NRXN1: variants seen among roughly 807,000 people sequenced by gnomAD.
NRXN1 encodes the protein neurexin-1.
In NRXN1, 39 loss-of-function variants were observed where a neutral mutation model predicts 150.9. The ratio of observed to expected loss-of-function variants is 0.26; its 90% CI spans 0.20 to 0.34. NRXN1 has a LOEUF of 0.34. Ranked by LOEUF, NRXN1 falls within the 10% of genes least tolerant of loss-of-function variation. The probability of loss-of-function intolerance (pLI) is 1.00; values close to 1 mark genes in which losing one functional copy is unlikely to be tolerated. For synonymous variants in NRXN1, 924 were observed against 757.0 expected, an observed-to-expected ratio of 1.22 and a Z score of -3.62; for missense variants, 1,815 against 1,949.9, an observed-to-expected ratio of 0.93 and a Z score of 1.30.
chr2:50,974,075 A>G (rs1277511111), intron 2 of NRXN1, among the ~76,000 whole-genome samples: 1 of 152,150 alleles, frequency 6.6e-6, no homozygotes, highest in Non-Finnish European at 1.5e-5. Context: ...ACTCTAAGTG[A>G]TCCAAGTTTC....
chr2:50,355,881 C>A (rs1486284033), intron 17 of NRXN1, among the ~76,000 whole-genome samples: 1 of 152,062 alleles, frequency 6.6e-6, no homozygotes, highest in Non-Finnish European at 1.5e-5. Context: ...AGAAATGAAA[C>A]AAATCCTCTT....
chr2:50,874,312 TATC>T (rs1393292641), intron 5 of NRXN1, among the ~76,000 whole-genome samples: 2 of 151,880 alleles, frequency 1.3e-5, no homozygotes, highest in Non-Finnish European at 2.9e-5. Flanking sequence ...CACATACATA[TATC>T]ATACTATCAA....
chr2:50,788,484 C>T (rs1359740540), intron 5 of NRXN1, among the ~76,000 whole-genome samples: 3 of 152,004 alleles, frequency 2.0e-5, no homozygotes, highest in African/African-American at 7.2e-5. Context: ...ATGAGTCTGA[C>T]GCTTCTGGAC....
At position 50,675,831 on chromosome 2, in the gene NRXN1, A is replaced by G. The variant is rs116611522; in HGVS notation, c.833-52216T>C. Reference sequence around the variant, plus strand: ...AAGAATATCCATAATTAACAAATCAATATGTTCTAGTTATCTGCAGTGTGG... The same window carrying G: ...AAGAATATCCATAATTAACAAATCAGTATGTTCTAGTTATCTGCAGTGTGG... On this transcript the variant is annotated intron_variant, in intron 5 of 22. Coordinates refer to ENST00000401669, the MANE Select transcript of NRXN1 (RefSeq NM_001330078.2). Among the ~76,000 whole-genome samples the G allele has an allele frequency of 1.2e-3, 178 of 152,260 alleles. 1 individual carries two copies. The highest frequency in any genetic ancestry group is 4.0e-3 in the African/African-American group (166 of 41,570).
Position 50,220,443 on chromosome 2 carries a change from T to C in NRXN1, c.3546+16346A>G, listed in dbSNP as rs148370439. Among the ~76,000 whole-genome samples, 547 of 152,042 alleles carry C rather than the reference T, an allele frequency of 3.6e-3. 2 individuals carry two copies. The highest frequency in any genetic ancestry group is 5.2e-3 in the Non-Finnish European group (350 of 67,948). ...GATGCAGAATGCCTTGAAATACAAA[T>C]GCTTTTTCTGGCCCAGATAATTGAT... On this transcript the variant is annotated intron_variant, in intron 18 of 22. Coordinates refer to ENST00000401669, the MANE Select transcript of NRXN1 (RefSeq NM_001330078.2).
intron 22 of NRXN1, among the ~76,000 whole-genome samples, chr2:49,927,750 T>C (rs1181159003): frequency 6.6e-6 from 1 of 152,216 alleles, no homozygotes; most frequent in African/African-American, 2.4e-5. Context: ...CTTATCTTTC[T>C]ATTGACAAGT....
intron 17 of NRXN1, among the ~76,000 whole-genome samples, chr2:50,436,894 A>G (rs377632422): frequency 4.7e-4 from 71 of 152,326 alleles, no homozygotes; most frequent in African/African-American, 1.7e-3. Context: ...GAATGCTTAT[A>G]CTAGATTATT....
chr2:50,080,087 C>A (rs1697721914), intron 19 of NRXN1, among the ~76,000 whole-genome samples: 1 of 152,008 alleles, frequency 6.6e-6, no homozygotes, highest in Non-Finnish European at 1.5e-5. Flanking sequence ...ATGAATCATC[C>A]CGTTTTCTAG....
At chr2:50,324,301 G>C (rs2076243590) in intron 17 of NRXN1, among the ~76,000 whole-genome samples, 1 of 152,140 alleles carries the variant, frequency 6.6e-6, no homozygotes, top group African/African-American at 2.4e-5. Context: ...TGGCAAGAGA[G>C]AGAAAAATGA....
At chr2:50,906,933 A>G (rs1269752527) in intron 5 of NRXN1, among the ~76,000 whole-genome samples, 1 of 152,010 alleles carries the variant, frequency 6.6e-6, no homozygotes, top group Non-Finnish European at 1.5e-5. Context: ...AAATTGGAAA[A>G]GCCTCAGAAA....
chr2:50,232,607 C>T (rs1242841119), intron 18 of NRXN1, among the ~76,000 whole-genome samples: 1 of 151,574 alleles, frequency 6.6e-6, no homozygotes, highest in Admixed American at 6.6e-5. Flanking sequence ...GCATAGTCTC[C>T]ATCTCTTGAC....
At chr2:50,037,276 A>C (rs1332392673) in intron 21 of NRXN1, among the ~76,000 whole-genome samples, 1 of 151,842 alleles carries the variant, frequency 6.6e-6, no homozygotes, top group Non-Finnish European at 1.5e-5. Flanking sequence ...CTTTTTAGCA[A>C]AGCAAACAGT....
At chr2:50,608,628 A>G (rs1677527159) in intron 8 of NRXN1, among the ~76,000 whole-genome samples, 1 of 152,210 alleles carries the variant, frequency 6.6e-6, no homozygotes, top group Admixed American at 6.6e-5. Flanking sequence ...TTAAATAATA[A>G]CTAAAGGTAA....
chr2:50,367,101 A>G (rs1277418303), intron 17 of NRXN1, among the ~76,000 whole-genome samples: 1 of 151,978 alleles, frequency 6.6e-6, no homozygotes, highest in East Asian at 1.9e-4. Context: ...GGGTTTCTCC[A>G]GATGCATTTT....
Position 49,922,095 on chromosome 2 carries a change from C to A in NRXN1, c.4373G>T (p.Arg1458Leu). ...GTCCACATGGTATGAGCCTTCATCC[C>A]GGTTTCTGTACTTGTACATGGCATA... ...LLYAMYKYRN[R>L]DEGSYHVDES... The change falls in exon 23 of 23, where the codon CGG (arginine) becomes CTG (leucine). Residue 1458 changes from arginine to leucine, a missense_variant. Physicochemically the swap from Arg to Leu is moderately radical, Grantham distance 102. Transcript: ENST00000401669. The A allele has an allele frequency of 6.2e-7, 1 of 1,614,104 alleles. No homozygotes were observed. Among genetic ancestry groups the A allele is most frequent in the Non-Finnish European group, 8.5e-7 (1 of 1,180,026 alleles).
chr2:50,914,553 T>G (rs1684954451), intron 5 of NRXN1, among the ~76,000 whole-genome samples: 1 of 151,692 alleles, frequency 6.6e-6, no homozygotes, highest in Admixed American at 6.6e-5. Flanking sequence ...AAGAAACCTT[T>G]GACCATCAGT....
intron 18 of NRXN1, among the ~76,000 whole-genome samples, chr2:50,212,257 T>G (rs1195068393): frequency 7.6e-6 from 1 of 131,104 alleles, no homozygotes; most frequent in African/African-American, 2.9e-5. Context: ...ATCAACAAGA[T>G]AAGCAGTTTC....
chr2:50,160,900 G>T (rs1247378362), intron 18 of NRXN1, among the ~76,000 whole-genome samples: 2 of 151,814 alleles, frequency 1.3e-5, no homozygotes, highest in Admixed American at 1.3e-4. Flanking sequence ...CTTTTTTTTA[G>T]AAACCTTTAC....
At chr2:50,015,325 G>C (rs1280052566) in intron 21 of NRXN1, among the ~76,000 whole-genome samples, 1 of 151,890 alleles carries the variant, frequency 6.6e-6, no homozygotes, top group East Asian at 1.9e-4. Flanking sequence ...TGCTAGGAGG[G>C]AAAAAGGTCT....
Sources: gnomAD v4.1 joint callset for allele counts (sites outside exome capture counted in the v4.1 genomes callset) on GRCh38, gnomAD v4.1.1 for gene constraint, MANE v1.5 for transcripts, NCBI Gene and HGNC (gene_info 2026-07-23, HGNC 2026-07-21) for gene names.